The following STK26 variants were observed in gnomAD, a reference collection of about 807,000 sequenced individuals.
The protein encoded by STK26 is serine/threonine-protein kinase 26.
In STK26, 14 loss-of-function variants were observed where a neutral mutation model predicts 34.7. The observed-to-expected ratio is 0.40, with a 90% CI of 0.27 to 0.63. The LOEUF is 0.63. Ranked by LOEUF, STK26 falls within the 30% of genes least tolerant of loss-of-function variation. The pLI, the probability that STK26 is intolerant of heterozygous loss-of-function variation, is 0.38. For synonymous variants in STK26, 100 were observed against 109.8 expected (o/e 0.91, Z 0.56); for missense variants, 226 against 309.1 (o/e 0.73, Z 2.02).
At chrX:132,056,397 G>A (rs1926859539) in intron 3 of STK26, among the ~76,000 whole-genome samples, 2 of 112,107 alleles carry the variant, frequency 1.8e-5, no homozygotes, top group Admixed American at 1.9e-4. Context: ...TATAGTTCCT[G>A]TGCAGCTTTG....
At chrX:132,058,295 GCTCATTCTGGTTTA>G (rs1926930160) in intron 3 of STK26, among the ~76,000 whole-genome samples, 1 of 108,944 alleles carries the variant, frequency 9.2e-6, no homozygotes, top group African/African-American at 3.4e-5. Flanking sequence ...TGTATCATTT[GCTCATTCTGGTTTA>G]CTCTTTCTGG....
chrX:132,032,252 T>G (rs995295825), intron 2 of STK26, among the ~76,000 whole-genome samples: 4 of 112,191 alleles, frequency 3.6e-5, no homozygotes, highest in African/African-American at 1.3e-4. Flanking sequence ...TTGGTATGTC[T>G]TAGCTTTGGA....
chrX:132,027,777 A>G (rs941975504), intron 2 of STK26, among the ~76,000 whole-genome samples: 3 of 111,836 alleles, frequency 2.7e-5, no homozygotes, highest in Non-Finnish European at 5.6e-5. Context: ...TCGAAAGAGA[A>G]ATCTCAAAAT....
chrX:132,043,782 A>T (rs1177623689), intron 2 of STK26, among the ~76,000 whole-genome samples: 1 of 110,929 alleles, frequency 9.0e-6, no homozygotes, highest in Non-Finnish European at 1.9e-5. Flanking sequence ...GTGATTGTAG[A>T]TGTGCTTCTA....
chrX:132,040,914 G>A (rs936255715), intron 2 of STK26, among the ~76,000 whole-genome samples: 3 of 111,709 alleles, frequency 2.7e-5, no homozygotes, highest in Admixed American at 9.5e-5. Flanking sequence ...CATAAAACAC[G>A]TATTGGTATG....
rs1935024780 is a variant in STK26, at chrX:132,023,344, C to T, written c.-174C>T. 2 of 500,888 alleles carry T rather than the reference C, an allele frequency of 4.0e-6. No individual in the cohort carries two copies. The highest frequency in any genetic ancestry group is 2.3e-5 in the Admixed American group (1 of 43,052). The allele number at this position is 500,888 out of a possible 1,213,427, so 41.3% of individuals were successfully genotyped here. On this transcript the variant is annotated 5_prime_UTR_variant, in exon 1 of 12. Coordinates refer to ENST00000394334, the MANE Select transcript of STK26 (RefSeq NM_016542.4). ...CCCAGCCACCACCACTCACAGCGCT[C>T]GGCGTTCAGGAAGAGGAGCAGCAGC... is the stretch of plus-strand genomic sequence containing the variant.
intron 2 of STK26, among the ~76,000 whole-genome samples, chrX:132,049,634 T>C (rs1320355706): frequency 1.8e-5 from 2 of 111,916 alleles, no homozygotes; most frequent in African/African-American, 6.5e-5. Flanking sequence ...TCAGGGCACT[T>C]TGTATTCACT....
At chrX:132,027,813 T>G (rs1204477501) in intron 2 of STK26, among the ~76,000 whole-genome samples, 1 of 110,619 alleles carries the variant, frequency 9.0e-6, no homozygotes. Context: ...ACTGGAGGAT[T>G]GAGAGGGGAA....
At chrX:132,040,655 A>G (rs1926230768) in intron 2 of STK26, among the ~76,000 whole-genome samples, 1 of 111,896 alleles carries the variant, frequency 8.9e-6, no homozygotes, top group South Asian at 3.7e-4. Context: ...TTAAAATTAG[A>G]TGGCCACATC....
At position 132,023,631 on chromosome X, in the gene STK26, C is replaced by G; in HGVS notation, c.14C>G (p.Pro5Arg). MAHS[P>R]VAVQVPGMQN... ...GCATTCGCCTCCATGGCCCACTCGC[C>G]GGTGGCTGTCCAAGTGCCTGGGATG... Residue 5 changes from proline to arginine, a missense_variant, in exon 2 of 12, where the codon CCG (proline) becomes CGG (arginine). By Grantham distance (103) the Pro-to-Arg change is moderately radical (BLOSUM62 -2). Transcript: ENST00000394334. 2 of 1,177,273 alleles carry G rather than the reference C, an allele frequency of 1.7e-6. No homozygotes were observed. Among genetic ancestry groups the G allele is most frequent in the African/African-American group, 1.7e-5 (1 of 57,218 alleles).
At chrX:132,043,989 T>C (rs917963298) in intron 2 of STK26, among the ~76,000 whole-genome samples, 11 of 112,226 alleles carry the variant, frequency 9.8e-5, no homozygotes, top group Non-Finnish European at 1.3e-4. Flanking sequence ...AAATAGGGAT[T>C]GACTTAAAAT....
At chrX:132,045,975 G>T (rs1304066710) in intron 2 of STK26, among the ~76,000 whole-genome samples, 1 of 112,132 alleles carries the variant, frequency 8.9e-6, no homozygotes, top group South Asian at 3.7e-4. Context: ...TAATGAAAGT[G>T]CTGCCTATTA....
In STK26 at chrX:132,074,320, T is replaced by C; in HGVS notation, c.*161T>C. 1 of 436,231 alleles carries C rather than the reference T, an allele frequency of 2.3e-6. No individual in the cohort carries two copies. The highest frequency in any genetic ancestry group is 4.0e-5 in the East Asian group (1 of 24,938). The allele number at this position is 436,231 out of a possible 1,213,427, so 36.0% of individuals were successfully genotyped here. A position where few individuals can be genotyped will look rare whatever the true frequency, so the allele number is the denominator to read the frequency against. On this transcript the variant is annotated 3_prime_UTR_variant, in exon 12 of 12. Coordinates refer to ENST00000394334, the MANE Select transcript of STK26 (RefSeq NM_016542.4). ...TTAAACTATTTTGTGATGGCGTTTATCATTTTATATTTTGAAAGGATTATT... is the reference window on the plus strand; with the variant it reads ...TTAAACTATTTTGTGATGGCGTTTACCATTTTATATTTTGAAAGGATTATT...
At chrX:132,037,876 A>G (rs1926120555) in intron 2 of STK26, among the ~76,000 whole-genome samples, 2 of 107,306 alleles carry the variant, frequency 1.9e-5, no homozygotes, top group Non-Finnish European at 3.8e-5. Context: ...AGGGCACACA[A>G]AATGAAAACG....
At chrX:132,060,570 T>G (rs1297979518) in intron 3 of STK26, among the ~76,000 whole-genome samples, 3 of 111,038 alleles carry the variant, frequency 2.7e-5, no homozygotes, top group South Asian at 3.8e-4. Flanking sequence ...TTTGTGTTTT[T>G]TTTGTTTGTT....
chrX:132,070,964 C>T, intron 7 of STK26, 105 bp from the exon 8 acceptor site: 1 of 870,446 alleles, frequency 1.1e-6, no homozygotes, highest in East Asian at 3.2e-5. Flanking sequence ...ACAGACATAC[C>T]TTTATACCTT....
chrX:132,052,776 T>A (rs1458018854), intron 2 of STK26, among the ~76,000 whole-genome samples: 2 of 112,290 alleles, frequency 1.8e-5, no homozygotes, highest in Non-Finnish European at 3.8e-5. Flanking sequence ...CAGAATGTCT[T>A]ATCAGAAGAT....
chrX:132,031,447 T>A (rs1309650284), intron 2 of STK26, among the ~76,000 whole-genome samples: 1 of 112,353 alleles, frequency 8.9e-6, no homozygotes, highest in African/African-American at 3.2e-5. Context: ...AGCTGTTAAT[T>A]TTGTGTTAGT....
At chrX:132,025,302 A>T (rs1293977014) in intron 2 of STK26, among the ~76,000 whole-genome samples, 2 of 112,021 alleles carry the variant, frequency 1.8e-5, no homozygotes, top group African/African-American at 6.5e-5. Flanking sequence ...TGTGTGCGTC[A>T]GCAGAGTGAG....
Sources: gnomAD v4.1 joint callset for allele counts (sites outside exome capture counted in the v4.1 genomes callset) on GRCh38, gnomAD v4.1.1 for gene constraint, MANE v1.5 for transcripts, NCBI Gene and HGNC (gene_info 2026-07-23, HGNC 2026-07-21) for gene names.